Variants in HYCC2 observed in about 807,000 individuals in gnomAD.
The protein encoded by HYCC2 is hyccin 2.
chr2:201,056,410 T>C, the HYCC2 span, among the ~76,000 whole-genome samples: 4 of 151,802 alleles, frequency 2.6e-5, no homozygotes, highest in Non-Finnish European at 5.9e-5. Flanking sequence ...CGCAGTGGCT[T>C]ACGCCTGTAA....
At chr2:201,023,218 G>A in the HYCC2 span, among the ~76,000 whole-genome samples, 7 of 151,850 alleles carry the variant, frequency 4.6e-5, no homozygotes, top group African/African-American at 1.2e-4. Flanking sequence ...GCGTGGTGGC[G>A]GGTGCCTGTA....
the HYCC2 span, among the ~76,000 whole-genome samples, chr2:201,067,646 A>C: frequency 6.6e-6 from 1 of 152,272 alleles, no homozygotes; most frequent in East Asian, 1.9e-4. Context: ...GACCCAAGTC[A>C]AGGTAAACAT....
chr2:201,022,388 G>A, the HYCC2 span: 115 of 276,830 alleles, frequency 4.2e-4, 1 homozygote, highest in Middle Eastern at 1.4e-3. Context: ...AAATTTACTA[G>A]CAGCATCATT....
the HYCC2 span, among the ~76,000 whole-genome samples, chr2:201,041,724 T>G: frequency 6.6e-6 from 1 of 152,176 alleles, no homozygotes; most frequent in African/African-American, 2.4e-5. Context: ...TGCTCACTAC[T>G]ATGCATTCAA....
chr2:201,029,139 G>A, the HYCC2 span, among the ~76,000 whole-genome samples: 79 of 152,180 alleles, frequency 5.2e-4, 2 homozygotes, highest in South Asian at 0.011. Flanking sequence ...ATCAAAAAGC[G>A]GGCAAAGCAT....
chr2:201,065,776 T>C, the HYCC2 span, among the ~76,000 whole-genome samples: 1 of 152,228 alleles, frequency 6.6e-6, no homozygotes, highest in South Asian at 2.1e-4. Flanking sequence ...TTGAAGGACC[T>C]GTAGCTCATC....
the HYCC2 span, among the ~76,000 whole-genome samples, chr2:201,026,652 TA>T: frequency 6.6e-6 from 1 of 152,186 alleles, no homozygotes; most frequent in East Asian, 1.9e-4. Context: ...AACTCAGGAT[TA>T]AGAAACTCAC....
the HYCC2 span, among the ~76,000 whole-genome samples, chr2:201,042,403 C>T: frequency 6.6e-6 from 1 of 152,146 alleles, no homozygotes; most frequent in Non-Finnish European, 1.5e-5. Flanking sequence ...AGGAGCGTCT[C>T]TGCCCGGCCG....
chr2:201,061,627 GT>G, the HYCC2 span, among the ~76,000 whole-genome samples: 7,814 of 139,888 alleles, frequency 0.056, 296 homozygotes, highest in African/African-American at 0.11. Context: ...CATACTTATA[GT>G]TTTTTTTTTT....
chr2:201,031,608 G>C, the HYCC2 span, among the ~76,000 whole-genome samples: 1 of 152,110 alleles, frequency 6.6e-6, no homozygotes, highest in South Asian at 2.1e-4. Context: ...CCGAGACAGC[G>C]CCATTGCACT....
At chr2:201,033,447 A>G in the HYCC2 span, among the ~76,000 whole-genome samples, 1 of 151,534 alleles carries the variant, frequency 6.6e-6, no homozygotes, top group Non-Finnish European at 1.5e-5. Context: ...TCTATCGCCC[A>G]GACTGGAGTG....
chr2:201,036,073 C>A, the HYCC2 span, among the ~76,000 whole-genome samples: 96 of 152,214 alleles, frequency 6.3e-4, no homozygotes, highest in African/African-American at 2.1e-3. Flanking sequence ...CACCACCGAT[C>A]CCACAGAAAT....
chr2:201,033,157 GTA>G, the HYCC2 span, among the ~76,000 whole-genome samples: 6,766 of 124,392 alleles, frequency 0.054, 199 homozygotes, highest in African/African-American at 0.092. Flanking sequence ...GTATGTGTGT[GTA>G]TGTGTGTGTG....
chr2:201,070,652 C>CA, the HYCC2 span, among the ~76,000 whole-genome samples: 633 of 139,072 alleles, frequency 4.6e-3, 2 homozygotes, highest in African/African-American at 0.013. Context: ...AACTCCGTCT[C>CA]AAAAAAAAAA....
chr2:200,987,503 A>G, the HYCC2 span: 2 of 1,289,840 alleles, frequency 1.6e-6, no homozygotes, highest in South Asian at 1.2e-5. Flanking sequence ...GGAATACTCG[A>G]GTCAGCCTCG....
chr2:201,055,383 GAA>G, the HYCC2 span, among the ~76,000 whole-genome samples: 35 of 93,668 alleles, frequency 3.7e-4, no homozygotes, highest in East Asian at 9.9e-3. Flanking sequence ...ATTCCATCTC[GAA>G]AAAAAAAAAA....
At chr2:201,060,625 C>T in the HYCC2 span, among the ~76,000 whole-genome samples, 3 of 152,130 alleles carry the variant, frequency 2.0e-5, no homozygotes, top group Admixed American at 6.6e-5. Context: ...GCCATATAGG[C>T]CCTAGATCTC....
the HYCC2 span, among the ~76,000 whole-genome samples, chr2:201,048,479 GA>G: frequency 1.4e-5 from 2 of 146,068 alleles, no homozygotes; most frequent in African/African-American, 2.6e-5. Context: ...AACATGATGA[GA>G]TTTTTTTTTT....
the HYCC2 span, chr2:200,979,326 T>G: frequency 6.6e-6 from 1 of 151,702 alleles, no homozygotes; most frequent in East Asian, 1.9e-4. Context: ...AATTGTCTAC[T>G]TATCAACTTT....
Sources: allele counts gnomAD v4.1 joint callset (sites outside exome capture counted in the v4.1 genomes callset), GRCh38; gene constraint gnomAD v4.1.1; transcripts MANE v1.5; gene names NCBI Gene and HGNC (gene_info 2026-07-23, HGNC 2026-07-21).